The following EPHX4 variants were observed in gnomAD, a reference collection of about 807,000 sequenced individuals.
EPHX4 encodes the protein epoxide hydrolase 4, also known as abhydrolase domain containing 7.
A neutral mutation model predicts 44.9 loss-of-function variants in EPHX4; 31 were observed. That is an observed-to-expected ratio of 0.69 (90% CI 0.52 to 0.93). The LOEUF (loss-of-function observed/expected upper bound fraction) is 0.93, where lower values mean the gene tolerates loss of function less well. Among genes scored for constraint, EPHX4 ranks in the 40% least tolerant of loss-of-function variants. The pLI is 0.00. For missense variants in EPHX4, 373 were observed against 438.1 expected, an observed-to-expected ratio of 0.85 and a Z score of 1.33; for synonymous variants, 151 against 159.7, an observed-to-expected ratio of 0.95 and a Z score of 0.41.
intron 5 of EPHX4, among the ~76,000 whole-genome samples, chr1:92,052,235 T>C (rs1437319519): frequency 6.6e-6 from 1 of 152,136 alleles, no homozygotes; most frequent in Non-Finnish European, 1.5e-5. Flanking sequence ...AGCTGGGCCT[T>C]GTAGAATATG....
At chr1:92,048,665 G>A (rs554335326) in intron 4 of EPHX4, among the ~76,000 whole-genome samples, 3 of 152,228 alleles carry the variant, frequency 2.0e-5, no homozygotes, top group East Asian at 3.9e-4. Context: ...GACTTTTAGA[G>A]TAAGGAAAAT....
chr1:92,047,833 A>G (rs550943577), intron 4 of EPHX4, among the ~76,000 whole-genome samples: 17 of 152,288 alleles, frequency 1.1e-4, no homozygotes, highest in Non-Finnish European at 1.6e-4. Flanking sequence ...AATAGTTTTG[A>G]CCACCTGGAT....
chr1:92,030,396 G>A (rs957176703), intron 1 of EPHX4, 86 bp downstream of exon 1: 11 of 1,249,908 alleles, frequency 8.8e-6, no homozygotes, highest in Non-Finnish European at 1.2e-5. Flanking sequence ...CTTCCGAGAC[G>A]CTGGCTCAGC....
At chr1:92,049,075 T>C (rs924900413) in intron 4 of EPHX4, among the ~76,000 whole-genome samples, 7 of 151,966 alleles carry the variant, frequency 4.6e-5, no homozygotes, top group African/African-American at 1.7e-4. Flanking sequence ...TTTAAAACTT[T>C]AGTGTCTTCC....
intron 2 of EPHX4, among the ~76,000 whole-genome samples, chr1:92,039,467 T>G (rs1396036579): frequency 1.3e-5 from 2 of 152,146 alleles, no homozygotes; most frequent in Non-Finnish European, 2.9e-5. Flanking sequence ...AGAATTAGGC[T>G]TCAGTTATGA....
intron 2 of EPHX4, among the ~76,000 whole-genome samples, chr1:92,034,299 C>CAAAAAA (rs765695521): frequency 3.8e-5 from 2 of 52,746 alleles, no homozygotes; most frequent in Non-Finnish European, 6.8e-5. Context: ...GATTCCGTCT[C>CAAAAAA]AAAAAAAAAA....
rs533253222 is a variant in EPHX4 at position 92,030,578 on chromosome 1, A to T, written c.231+268A>T. Among the ~76,000 whole-genome samples, 7 of 152,026 alleles carry T rather than the reference A, an allele frequency of 4.6e-5. No individual in the cohort carries two copies. In the South Asian group the frequency reaches 1.2e-3, roughly 27 times the overall value. ...TTCTGAATGTGGAACTTCTCTAATC[A>T]GGGGCCTCTTATATTACTGCCCCCC... On this transcript the variant is annotated intron_variant, in intron 1 of 6. Coordinates refer to ENST00000370383, the MANE Select transcript of EPHX4 (RefSeq NM_173567.5).
intron 4 of EPHX4, 138 bp downstream of exon 4, chr1:92,045,798 C>A: frequency 1.1e-6 from 1 of 908,844 alleles, no homozygotes; most frequent in South Asian, 1.5e-5. Context: ...TAGCACATGA[C>A]AGTGTCAGAT....
chr1:92,062,183 T>C (rs1219945337), intron 6 of EPHX4, among the ~76,000 whole-genome samples: 1 of 152,224 alleles, frequency 6.6e-6, no homozygotes, highest in Non-Finnish European at 1.5e-5. Context: ...TCACATAAAA[T>C]GCATCAGATT....
chr1:92,049,220 G>T (rs1231839091), intron 4 of EPHX4, among the ~76,000 whole-genome samples: 1 of 152,046 alleles, frequency 6.6e-6, no homozygotes, highest in African/African-American at 2.4e-5. Context: ...CATCTGGAAT[G>T]TACCAAGCCC....
chr1:92,060,267 A>G (rs1647467401), intron 6 of EPHX4, among the ~76,000 whole-genome samples: 1 of 151,652 alleles, frequency 6.6e-6, no homozygotes, highest in African/African-American at 2.4e-5. Context: ...TTTTTTAATT[A>G]GTCAGCTGTT....
intron 6 of EPHX4, among the ~76,000 whole-genome samples, chr1:92,062,545 A>T (rs1269242040): frequency 7.1e-6 from 1 of 140,998 alleles, no homozygotes. Flanking sequence ...AGATCGTGCC[A>T]TTGCACTCCA....
chr1:92,056,276 G>A (rs1462251597), intron 6 of EPHX4, among the ~76,000 whole-genome samples: 1 of 152,202 alleles, frequency 6.6e-6, no homozygotes, highest in South Asian at 2.1e-4. Flanking sequence ...CATGAAAATA[G>A]CCCTCATTTA....
intron 1 of EPHX4, among the ~76,000 whole-genome samples, chr1:92,030,672 C>CT (rs1688346947): frequency 6.6e-6 from 1 of 152,044 alleles, no homozygotes; most frequent in Non-Finnish European, 1.5e-5. Flanking sequence ...TCCTGTCACC[C>CT]TTTTGCCCTT....
intron 6 of EPHX4, among the ~76,000 whole-genome samples, chr1:92,062,096 ATCT>A (rs1355966140): frequency 2.0e-5 from 3 of 152,182 alleles, no homozygotes; most frequent in African/African-American, 4.8e-5. Context: ...TTAAAAAATA[ATCT>A]TCTTGCAAAA....
chr1:92,031,875 C>G (rs142681798), intron 1 of EPHX4, among the ~76,000 whole-genome samples: 279 of 152,178 alleles, frequency 1.8e-3, no homozygotes, highest in African/African-American at 6.6e-3. Flanking sequence ...AGGGCATTCT[C>G]TTATTAGAAA....
intron 5 of EPHX4, among the ~76,000 whole-genome samples, 176 bp from the exon 6 acceptor site, chr1:92,052,334 G>A (rs1203585966): frequency 6.6e-6 from 1 of 152,070 alleles, no homozygotes; most frequent in Non-Finnish European, 1.5e-5. Flanking sequence ...AATAAAGCCA[G>A]GAAAGCAGAA....
intron 6 of EPHX4, among the ~76,000 whole-genome samples, chr1:92,058,572 C>A (rs1322470477): frequency 6.6e-6 from 1 of 151,984 alleles, no homozygotes; most frequent in African/African-American, 2.4e-5. Flanking sequence ...TCTTAGTAAT[C>A]TAGAAATAGA....
intron 2 of EPHX4, among the ~76,000 whole-genome samples, chr1:92,035,952 T>TA (rs937506234): frequency 5.0e-4 from 76 of 152,338 alleles, no homozygotes; most frequent in African/African-American, 1.7e-3. Flanking sequence ...TCTCATTCTA[T>TA]AGGAATTATA....
Sources: allele counts gnomAD v4.1 joint callset (sites outside exome capture counted in the v4.1 genomes callset), GRCh38; gene constraint gnomAD v4.1.1; transcripts MANE v1.5; gene names NCBI Gene and HGNC (gene_info 2026-07-23, HGNC 2026-07-21).